The following AP4S1 variants were observed in gnomAD, a reference collection of about 807,000 sequenced individuals.
AP4S1 encodes AP-4 complex subunit sigma-1.
In AP4S1, 23 loss-of-function variants were observed where a neutral mutation model predicts 19.8. The observed-to-expected ratio is 1.16, with a 90% CI of 0.84 to 1.65. The LOEUF (loss-of-function observed/expected upper bound fraction) is 1.65, where lower values mean the gene tolerates loss of function less well. AP4S1 is among the 40% of genes most tolerant of loss of function. AP4S1 has a pLI of 0.00. For synonymous variants in AP4S1, 46 were observed against 54.1 expected, an observed-to-expected ratio of 0.85 and a Z score of 0.66; for missense variants, 166 against 172.8, an observed-to-expected ratio of 0.96 and a Z score of 0.22.
At chr14:31,081,007 G>T (rs541117608) in intron 5 of AP4S1, among the ~76,000 whole-genome samples, 8 of 152,116 alleles carry the variant, frequency 5.3e-5, no homozygotes, top group Non-Finnish European at 1.0e-4. Context: ...GGCCAGGCTG[G>T]TCTTGAACTC....
At position 31,095,202 on chromosome 14, in the gene AP4S1, A is replaced by G. The variant is rs1291480527; in HGVS notation, c.*2167A>G. 6.6e-6 allele frequency: 1 copy of G among 152,252 alleles called. No individual in the cohort carries two copies. The highest frequency in any genetic ancestry group is 1.5e-5 in the Non-Finnish European group (1 of 68,052). The allele number at this position is 152,252 out of a possible 1,614,324, so 9.4% of individuals were successfully genotyped here. ...GAGTGAGGCCCTGCCTCAAAAACACAAAAACAAAACAAAAAAACTTTTATA... is the reference window on the plus strand; with the variant it reads ...GAGTGAGGCCCTGCCTCAAAAACACGAAAACAAAACAAAAAAACTTTTATA... On this transcript the variant is annotated 3_prime_UTR_variant, in exon 6 of 6. Transcript: ENST00000542754.
intron 5 of AP4S1, among the ~76,000 whole-genome samples, chr14:31,089,071 G>A (rs1162534597): frequency 6.6e-6 from 1 of 150,438 alleles, no homozygotes; most frequent in Non-Finnish European, 1.5e-5. Flanking sequence ...GAGGTGGGAG[G>A]ATCACTTGAG....
At chr14:31,026,154 C>T (rs749183164) in intron 1 of AP4S1, 1 of 1,487,664 alleles carries the variant, frequency 6.7e-7, no homozygotes, top group Non-Finnish European at 8.9e-7. Context: ...CATCCCCGGG[C>T]CGCCACCACC....
intron 1 of AP4S1, among the ~76,000 whole-genome samples, chr14:31,030,697 T>G (rs1016336980): frequency 2.0e-5 from 3 of 152,098 alleles, no homozygotes; most frequent in Non-Finnish European, 2.9e-5. Flanking sequence ...ATTTTTCAGG[T>G]GCTCTACTGC....
chr14:31,045,533 G>A (rs909694083), intron 1 of AP4S1, among the ~76,000 whole-genome samples: 2 of 152,050 alleles, frequency 1.3e-5, no homozygotes, highest in Non-Finnish European at 2.9e-5. Context: ...CTTCCCCGTC[G>A]CCTTATGCCA....
chr14:31,089,229 A>G (rs969557465), intron 5 of AP4S1, among the ~76,000 whole-genome samples: 3 of 151,996 alleles, frequency 2.0e-5, no homozygotes, highest in Non-Finnish European at 4.4e-5. Context: ...CTCCAGGACT[A>G]TGCAGAATCT....
intron 1 of AP4S1, among the ~76,000 whole-genome samples, chr14:31,034,392 G>A (rs115366683): frequency 0.013 from 1,947 of 152,032 alleles, 38 homozygotes; most frequent in African/African-American, 0.044. Context: ...TGCTTCTTTT[G>A]TTTTATAGTT....
intron 1 of AP4S1, chr14:31,026,107 T>C (rs1390513314): frequency 1.3e-6 from 2 of 1,510,830 alleles, no homozygotes; most frequent in Non-Finnish European, 1.8e-6. Flanking sequence ...AGGCCCAGGT[T>C]CCCCCCAGGT....
intron 4 of AP4S1, among the ~76,000 whole-genome samples, chr14:31,078,068 T>TGGG (rs1244553031): frequency 2.0e-5 from 3 of 152,190 alleles, no homozygotes; most frequent in African/African-American, 4.8e-5. Context: ...GAGTTGGTGT[T>TGGG]GGGAACGTGC....
chr14:31,080,496 C>T, intron 4 of AP4S1, 77 bp from the exon 5 acceptor site: 1 of 1,278,558 alleles, frequency 7.8e-7, no homozygotes, highest in Non-Finnish European at 1.1e-6. Context: ...GCAGAAGCCT[C>T]TTCAGTCTGA....
At chr14:31,041,869 G>T (rs1885130320) in intron 1 of AP4S1, among the ~76,000 whole-genome samples, 1 of 152,008 alleles carries the variant, frequency 6.6e-6, no homozygotes, top group Non-Finnish European at 1.5e-5. Context: ...TGATATGGGG[G>T]TCTCACTCTG....
chr14:31,059,834 G>A (rs1162738173), intron 1 of AP4S1, among the ~76,000 whole-genome samples: 1 of 151,732 alleles, frequency 6.6e-6, no homozygotes, highest in African/African-American at 2.4e-5. Flanking sequence ...GCCACACTGG[G>A]CCTGGCTCTT....
At chr14:31,081,183 T>C (rs150509279) in intron 5 of AP4S1, among the ~76,000 whole-genome samples, 95 of 152,268 alleles carry the variant, frequency 6.2e-4, no homozygotes, top group African/African-American at 2.2e-3. Flanking sequence ...CCTTTAAGCA[T>C]ATGGAATAGG....
At chr14:31,025,884 CACCGACCCCAA>C in intron 1 of AP4S1, 97 bp downstream of exon 1, 2 of 1,593,106 alleles carry the variant, frequency 1.3e-6, no homozygotes, top group Non-Finnish European at 1.7e-6. Flanking sequence ...AGCTCCCGCA[CACCGACCCCAA>C]CGAGGTACCT....
At chr14:31,045,849 C>T (rs943494392) in intron 1 of AP4S1, among the ~76,000 whole-genome samples, 3 of 151,894 alleles carry the variant, frequency 2.0e-5, no homozygotes, top group Admixed American at 6.6e-5. Flanking sequence ...AGAGTGAGTC[C>T]GTAGATAGCC....
At chr14:31,074,899 A>G (rs532595890) in intron 4 of AP4S1, among the ~76,000 whole-genome samples, 14 of 151,848 alleles carry the variant, frequency 9.2e-5, no homozygotes, top group African/African-American at 3.1e-4. Flanking sequence ...TATTTTTTAT[A>G]TTGATACATA....
intron 3 of AP4S1, among the ~76,000 whole-genome samples, chr14:31,071,128 T>C (rs955600036): frequency 1.3e-5 from 2 of 152,078 alleles, no homozygotes; most frequent in Non-Finnish European, 2.9e-5. Flanking sequence ...TCACCCCAAA[T>C]TTATTTAGTT....
At chr14:31,053,293 C>G (rs564108761) in intron 1 of AP4S1, among the ~76,000 whole-genome samples, 2 of 152,220 alleles carry the variant, frequency 1.3e-5, no homozygotes, top group Admixed American at 1.3e-4. Flanking sequence ...TTAATTTTCT[C>G]CATCAGTCAG....
chr14:31,029,656 A>C (rs1884268678), intron 1 of AP4S1, among the ~76,000 whole-genome samples: 1 of 152,224 alleles, frequency 6.6e-6, no homozygotes, highest in African/African-American at 2.4e-5. Context: ...TGTCCCTACC[A>C]AAAATACAAA....
Sources: allele counts gnomAD v4.1 joint callset (sites outside exome capture counted in the v4.1 genomes callset), GRCh38; gene constraint gnomAD v4.1.1; transcripts MANE v1.5; gene names NCBI Gene and HGNC (gene_info 2026-07-23, HGNC 2026-07-21).